The following KPNA3 variants were observed in gnomAD, a reference collection of about 807,000 sequenced individuals.
The protein encoded by KPNA3 is importin subunit alpha-4.
A neutral mutation model predicts 73.8 loss-of-function variants in KPNA3; 13 were observed. The observed-to-expected ratio is 0.18, with a 90% CI of 0.11 to 0.28. The LOEUF is 0.28. Ranked by LOEUF, KPNA3 falls within the 10% of genes least tolerant of loss-of-function variation. The pLI is 1.00. For missense variants in KPNA3, 360 were observed against 618.1 expected, an observed-to-expected ratio of 0.58 and a Z score of 4.43; for synonymous variants, 186 against 206.9, an observed-to-expected ratio of 0.90 and a Z score of 0.87.
chr13:49,733,282 G>GGTTTT (rs1864866105), intron 2 of KPNA3, among the ~76,000 whole-genome samples: 3 of 100,920 alleles, frequency 3.0e-5, no homozygotes, highest in Non-Finnish European at 5.8e-5. Context: ...CCACTGTGGT[G>GGTTTT]TTTTTTTTTT....
At chr13:49,742,899 GACTTAAATA>G (rs1954585744) in intron 2 of KPNA3, among the ~76,000 whole-genome samples, 1 of 152,064 alleles carries the variant, frequency 6.6e-6, no homozygotes, top group South Asian at 2.1e-4. Context: ...TTCAATACAT[GACTTAAATA>G]TAAGTGCATA....
At chr13:49,733,174 T>A in intron 2 of KPNA3, 128 bp from the exon 3 acceptor site, 2 of 659,696 alleles carry the variant, frequency 3.0e-6, no homozygotes, top group Non-Finnish European at 2.7e-6. Flanking sequence ...TAATATGAAT[T>A]AAATGTGCAT....
Position 49,719,780 on chromosome 13 carries a change from T to C in KPNA3, c.766A>G (p.Ile256Val), listed in dbSNP as rs765921453. 26 of 1,600,996 alleles carry C rather than the reference T, an allele frequency of 1.6e-5. No individual in the cohort carries two copies. The East Asian group carries it at 5.8e-4, about 36-fold the overall frequency. Residue 256 changes from isoleucine (I) to valine (V), a missense_variant, in exon 10 of 17, where the codon ATA becomes GTA. Physicochemically the swap from Ile to Val is conservative, Grantham distance 29 (BLOSUM62 3). This residue lies in a region of KPNA3 where 287 missense variants were observed against 549.1 expected (regional missense o/e 0.52). Transcript: ENST00000261667. ...TAAGCTGCTTCTTAACTTACGTTTATATCTGTATGGTATATGAGGACACAT... is the reference window on the plus strand; with the variant it reads ...TAAGCTGCTTCTTAACTTACGTTTACATCTGTATGGTATATGAGGACACAT... Reference protein sequence around the residue: ...ALCVLIYHTDINILVDTVWAL... With the variant: ...ALCVLIYHTDVNILVDTVWAL...
chr13:49,749,484 CAG>C (rs1425149834), intron 1 of KPNA3, among the ~76,000 whole-genome samples: 1 of 152,178 alleles, frequency 6.6e-6, no homozygotes, highest in Non-Finnish European at 1.5e-5. Flanking sequence ...AGCACAACTT[CAG>C]AGAAGTTTCT....
At chr13:49,772,425 T>C (rs1193266537) in intron 1 of KPNA3, among the ~76,000 whole-genome samples, 1 of 152,188 alleles carries the variant, frequency 6.6e-6, no homozygotes. Flanking sequence ...AAAGTATTGG[T>C]GAGCATGTGG....
rs1954142205 is a variant in KPNA3 at position 49,701,033 on chromosome 13, A to C, written c.*767T>G. 6.5e-6 allele frequency: 1 copy of C among 153,648 alleles called. No individual in the cohort carries two copies. Among genetic ancestry groups the C allele is most frequent in the African/African-American group, 2.4e-5 (1 of 41,454 alleles). The allele number at this position is 153,648 out of a possible 1,614,324, so 9.5% of individuals were successfully genotyped here. A position where few individuals can be genotyped will look rare whatever the true frequency, so the allele number is the denominator to read the frequency against. On this transcript the variant is annotated 3_prime_UTR_variant, in exon 17 of 17. Coordinates refer to ENST00000261667, the MANE Select transcript of KPNA3 (RefSeq NM_002267.4). ...ACCATGCACAGCATTTGATTACTTC[A>C]AAACAGCAGGAACACACAGGCTGAA...
intron 2 of KPNA3, among the ~76,000 whole-genome samples, chr13:49,735,688 T>C (rs1311089899): frequency 6.6e-6 from 1 of 152,158 alleles, no homozygotes; most frequent in African/African-American, 2.4e-5. Flanking sequence ...AACACACATA[T>C]GGATTAAATG....
chr13:49,725,559 A>G, intron 6 of KPNA3, 58 bp from the exon 7 acceptor site: 1 of 1,065,476 alleles, frequency 9.4e-7, no homozygotes, highest in South Asian at 1.3e-5. Flanking sequence ...AAATTAATGA[A>G]TCTTAAGACT....
rs1338361659 is a variant in KPNA3 at position 49,725,465 on chromosome 13, A to G, written c.420T>C (p.Thr140=). ...GTGCAGAAGTTCCTGATGCTATGTT[A>G]GTTAATGCCCAAGCAGCTTCAAACT... ...SLQFEAAWAL[T]NIASGTSAQT... is the part of the protein sequence containing the mutation. Residue 140 remains threonine, a synonymous_variant, in exon 7 of 17, where the codon ACT becomes ACC. Transcript: ENST00000261667. 1 of 1,613,456 alleles carries G rather than the reference A, an allele frequency of 6.2e-7. No homozygotes were observed. Among genetic ancestry groups the G allele is most frequent in the Non-Finnish European group, 8.5e-7 (1 of 1,179,572 alleles).
chr13:49,735,546 A>C (rs1290232753), intron 2 of KPNA3, among the ~76,000 whole-genome samples: 1 of 152,076 alleles, frequency 6.6e-6, no homozygotes, highest in Non-Finnish European at 1.5e-5. Context: ...ATACCTAGAG[A>C]TTTTTACCCT....
chr13:49,752,218 G>T (rs1016314094), intron 1 of KPNA3, among the ~76,000 whole-genome samples: 9 of 152,050 alleles, frequency 5.9e-5, no homozygotes, highest in African/African-American at 2.2e-4. Context: ...TCCTCTTCCT[G>T]GACAATGTCC....
In KPNA3 at chr13:49,701,744, A is replaced by G. The variant is rs140590811; in HGVS notation, c.*56T>C. On this transcript the variant is annotated 3_prime_UTR_variant, in exon 17 of 17. Transcript: ENST00000261667. ...GTTGCTGTTGTTCTTATCATTTGGT[A>G]GCCATCTGGTGGTGCTTCATATTGA... is the stretch of plus-strand genomic sequence containing the variant. The G allele has an allele frequency of 7.9e-5, 80 of 1,018,574 alleles. 1 individual carries two copies. The African/African-American group carries it at 9.5e-4, about 12-fold the overall frequency. The allele number at this position is 1,018,574 out of a possible 1,614,324, so 63.1% of individuals were successfully genotyped here. A position where few individuals can be genotyped will look rare whatever the true frequency, so the allele number is the denominator to read the frequency against.
intron 1 of KPNA3, among the ~76,000 whole-genome samples, chr13:49,747,325 C>A (rs545640607): frequency 3.3e-4 from 50 of 150,386 alleles, no homozygotes; most frequent in Admixed American, 9.3e-4. Flanking sequence ...CAGGCCTGGG[C>A]GACAGAGCGA....
intron 1 of KPNA3, among the ~76,000 whole-genome samples, chr13:49,764,653 CTCA>C (rs1030058107): frequency 1.3e-5 from 2 of 152,016 alleles, no homozygotes; most frequent in Non-Finnish European, 2.9e-5. Flanking sequence ...TAATTATTCT[CTCA>C]TCAACTGTCC....
intron 2 of KPNA3, among the ~76,000 whole-genome samples, chr13:49,737,095 T>G (rs573711765): frequency 6.6e-6 from 1 of 152,288 alleles, no homozygotes; most frequent in African/African-American, 2.4e-5. Context: ...GTATGTCTAT[T>G]TACCCATTAA....
intron 11 of KPNA3, among the ~76,000 whole-genome samples, 190 bp from the exon 12 acceptor site, chr13:49,709,890 A>G (rs1954243850): frequency 1.4e-5 from 2 of 140,388 alleles, no homozygotes; most frequent in African/African-American, 4.9e-5. Flanking sequence ...CTGAAACTTT[A>G]TGAAAAAAAA....
chr13:49,735,947 C>T (rs186697172), intron 2 of KPNA3, among the ~76,000 whole-genome samples: 1 of 152,200 alleles, frequency 6.6e-6, no homozygotes, highest in African/African-American at 2.4e-5. Context: ...CTCTTTCCAC[C>T]TTGAAAAACT....
chr13:49,759,502 C>T (rs1028196035), intron 1 of KPNA3, among the ~76,000 whole-genome samples: 2 of 152,098 alleles, frequency 1.3e-5, no homozygotes, highest in Non-Finnish European at 2.9e-5. Context: ...GAAATAATTA[C>T]ACAACTCACC....
chr13:49,712,222 C>A (rs934242473), intron 10 of KPNA3, among the ~76,000 whole-genome samples: 2 of 152,108 alleles, frequency 1.3e-5, no homozygotes, highest in African/African-American at 4.8e-5. Flanking sequence ...TGGAAAATAA[C>A]CCTTCATACC....
Sources: allele counts gnomAD v4.1 joint callset (sites outside exome capture counted in the v4.1 genomes callset), GRCh38; gene constraint gnomAD v4.1.1; regional missense constraint gnomAD v4.1.1; transcripts MANE v1.5; gene names NCBI Gene and HGNC (gene_info 2026-07-23, HGNC 2026-07-21).